Variants in FBXL17 observed in about 807,000 individuals in gnomAD.
FBXL17 encodes the protein F-box and leucine rich repeat protein 17, also known as F-box/LRR-repeat protein 17.
In FBXL17, 22 loss-of-function variants were observed where a neutral mutation model predicts 66.2. The observed-to-expected ratio is 0.33, with a 90% CI of 0.24 to 0.47. The LOEUF (loss-of-function observed/expected upper bound fraction) is 0.47, where lower values mean the gene tolerates loss of function less well. Ranked by LOEUF, FBXL17 falls within the 20% of genes least tolerant of loss-of-function variation. The pLI is 1.00. For missense variants in FBXL17, 878 were observed against 948.2 expected, an observed-to-expected ratio of 0.93 and a Z score of 0.97; for synonymous variants, 474 against 400.5, an observed-to-expected ratio of 1.18 and a Z score of -2.19.
chr5:107,987,392 A>G (rs1753057878), intron 7 of FBXL17, among the ~76,000 whole-genome samples: 1 of 151,974 alleles, frequency 6.6e-6, no homozygotes. Context: ...CTGGTGCTAA[A>G]GCCGATCTTG....
intron 4 of FBXL17, among the ~76,000 whole-genome samples, chr5:108,340,346 T>C (rs1384352144): frequency 6.6e-6 from 1 of 150,838 alleles, no homozygotes; most frequent in Non-Finnish European, 1.5e-5. Flanking sequence ...AGCCCGGGAG[T>C]TCGAGACCAG....
chr5:108,257,331 A>G (rs568708342), intron 4 of FBXL17, among the ~76,000 whole-genome samples: 4 of 152,278 alleles, frequency 2.6e-5, no homozygotes, highest in African/African-American at 7.2e-5. Context: ...TTACTCATTG[A>G]ATAATTTAAT....
chr5:108,186,476 A>G (rs1753237000), intron 5 of FBXL17, among the ~76,000 whole-genome samples: 1 of 151,200 alleles, frequency 6.6e-6, no homozygotes, highest in African/African-American at 2.4e-5. Context: ...CAAACATTAA[A>G]AGAAAGTAGA....
intron 2 of FBXL17, among the ~76,000 whole-genome samples, chr5:108,367,185 C>T (rs1463750740): frequency 1.3e-5 from 2 of 151,964 alleles, no homozygotes; most frequent in Admixed American, 6.6e-5. Flanking sequence ...ATGCCAAATA[C>T]CATCAAGTTT....
intron 5 of FBXL17, among the ~76,000 whole-genome samples, chr5:108,200,288 G>A (rs1371216132): frequency 6.6e-6 from 1 of 151,676 alleles, no homozygotes; most frequent in Middle Eastern, 3.2e-3. Flanking sequence ...ATATAGAGAA[G>A]AGCATGCTTA....
chr5:107,964,300 T>C (rs1752033423), intron 7 of FBXL17, among the ~76,000 whole-genome samples: 1 of 151,978 alleles, frequency 6.6e-6, no homozygotes, highest in African/African-American at 2.4e-5. Flanking sequence ...ACAACAACAA[T>C]AAAAATCACA....
rs1297893394 is a variant in FBXL17 at position 108,179,578 on chromosome 5, G to A, written c.1745+6539C>T. On this transcript the variant is annotated intron_variant, in intron 6 of 8. Coordinates refer to ENST00000542267, the MANE Select transcript of FBXL17 (RefSeq NM_001163315.3). ...TAAGCAACTTCAAATTATAGGTGTG[G>A]AGTTTGAGGGACTTTAATAAACTAG... 2.0e-5 allele frequency among the ~76,000 whole-genome samples: 3 copies of A among 152,258 alleles called. 1 individual carries two copies. Among genetic ancestry groups the A allele is most frequent in the African/African-American group, 7.2e-5 (3 of 41,552 alleles).
chr5:108,242,878 G>A lies in FBXL17; in HGVS notation c.1507-18650C>T, dbSNP rs966534057. Among the ~76,000 whole-genome samples the A allele has an allele frequency of 2.6e-5, 4 of 152,062 alleles. 1 individual carries two copies. The highest frequency in any genetic ancestry group is 5.9e-5 in the Non-Finnish European group (4 of 67,988). On this transcript the variant is annotated intron_variant, in intron 4 of 8. Transcript: ENST00000542267. ...ACTTATGAAAAAGGAACTAAGAATAGTTTTATGTAGCTAATAATACACTGA... is the reference window on the plus strand; with the variant it reads ...ACTTATGAAAAAGGAACTAAGAATAATTTTATGTAGCTAATAATACACTGA...
At chr5:108,062,133 C>A (rs1000947372) in intron 6 of FBXL17, among the ~76,000 whole-genome samples, 1 of 151,794 alleles carries the variant, frequency 6.6e-6, no homozygotes, top group Admixed American at 6.6e-5. Context: ...ACATCAGTTG[C>A]GAAACTTGTG....
At chr5:108,208,393 A>T (rs1754220775) in intron 5 of FBXL17, among the ~76,000 whole-genome samples, 1 of 152,172 alleles carries the variant, frequency 6.6e-6, no homozygotes, top group African/African-American at 2.4e-5. Context: ...GCCCATGCCT[A>T]TGCCCTGAAT....
chr5:107,939,430 TAAC>T (rs1293609786), intron 7 of FBXL17, among the ~76,000 whole-genome samples: 1 of 152,084 alleles, frequency 6.6e-6, no homozygotes, highest in Non-Finnish European at 1.5e-5. Flanking sequence ...CTTTTCCTTT[TAAC>T]TACTAGAACC....
rs57472813 is a variant in FBXL17, at chr5:107,980,664, A to ATTTTTTT, written c.1822+40254_1822+40260dup. On this transcript the variant is annotated intron_variant, in intron 7 of 8. Transcript: ENST00000542267. ...TAAAATAATATATATATATATATAT[A>ATTTTTTT]TTTTTTTTTTGAGATGGAGTCTTGC... Among the ~76,000 whole-genome samples, 24 of 61,998 alleles carry ATTTTTTT rather than the reference A, an allele frequency of 3.9e-4. 1 individual carries two copies. Among genetic ancestry groups the ATTTTTTT allele is most frequent in the African/African-American group, 1.8e-3 (17 of 9,712 alleles). The allele number at this position is 61,998 out of a possible 152,430, so 40.7% of individuals were successfully genotyped here. A position where few individuals can be genotyped will look rare whatever the true frequency, so the allele number is the denominator to read the frequency against.
chr5:108,175,360 T>C (rs1033294344), intron 6 of FBXL17, among the ~76,000 whole-genome samples: 7 of 152,184 alleles, frequency 4.6e-5, no homozygotes, highest in African/African-American at 7.2e-5. Flanking sequence ...CCATGCGCTA[T>C]AGATTCAGCT....
At chr5:108,083,250 C>CAGAG (rs75900350) in intron 6 of FBXL17, among the ~76,000 whole-genome samples, 11 of 145,580 alleles carry the variant, frequency 7.6e-5, no homozygotes, top group Admixed American at 6.1e-4. Flanking sequence ...CACACACACA[C>CAGAG]AGAGAGAGAG....
chr5:108,134,520 G>A (rs988206689), intron 6 of FBXL17, among the ~76,000 whole-genome samples: 7 of 151,978 alleles, frequency 4.6e-5, no homozygotes, highest in South Asian at 2.1e-4. Context: ...CCAAAACCTC[G>A]TATCTGAACT....
At chr5:108,342,325 T>C (rs1379524533) in intron 4 of FBXL17, among the ~76,000 whole-genome samples, 2 of 152,220 alleles carry the variant, frequency 1.3e-5, no homozygotes, top group East Asian at 1.9e-4. Flanking sequence ...CATATTCAAA[T>C]AGGATTAAGA....
At chr5:108,338,853 A>G (rs1412995055) in intron 4 of FBXL17, among the ~76,000 whole-genome samples, 1 of 152,212 alleles carries the variant, frequency 6.6e-6, no homozygotes, top group Non-Finnish European at 1.5e-5. Flanking sequence ...AAAGAAAGAC[A>G]GCAAAAGAAG....
At chr5:108,079,282 A>G (rs886121604) in intron 6 of FBXL17, among the ~76,000 whole-genome samples, 13 of 152,110 alleles carry the variant, frequency 8.5e-5, no homozygotes, top group Non-Finnish European at 1.6e-4. Context: ...ACCAGTGGGA[A>G]ACTTTTACTG....
intron 8 of FBXL17, 111 bp from the exon 9 acceptor site, chr5:107,861,971 C>G (rs1033199471): frequency 1.7e-6 from 2 of 1,174,378 alleles, no homozygotes; most frequent in Non-Finnish European, 2.2e-6. Context: ...GAGCCCTCGC[C>G]TTGTTCCTCC....
Sources: allele counts gnomAD v4.1 joint callset (sites outside exome capture counted in the v4.1 genomes callset), GRCh38; gene constraint gnomAD v4.1.1; transcripts MANE v1.5; gene names NCBI Gene and HGNC (gene_info 2026-07-23, HGNC 2026-07-21).